Variants in DNAJC7 observed in about 807,000 individuals in gnomAD.
DNAJC7 encodes dnaJ homolog subfamily C member 7.
In DNAJC7, 18 loss-of-function variants were observed where a neutral mutation model predicts 67.4. The ratio of observed to expected loss-of-function variants is 0.27; its 90% CI spans 0.18 to 0.40. DNAJC7 has a LOEUF of 0.40. DNAJC7 is among the 10% of genes least tolerant of loss of function. DNAJC7 has a pLI of 1.00. For missense variants in DNAJC7, 419 were observed against 613.8 expected (o/e 0.68, Z 3.35); for synonymous variants, 220 against 207.8 (o/e 1.06, Z -0.50).
chr17:42,004,974 G>A (rs139769900), intron 1 of DNAJC7, among the ~76,000 whole-genome samples: 13 of 152,314 alleles, frequency 8.5e-5, no homozygotes, highest in African/African-American at 2.9e-4. Flanking sequence ...GTAACGAGCT[G>A]TGATTGTACC....
At chr17:42,001,347 C>T (rs1222337954) in intron 1 of DNAJC7, among the ~76,000 whole-genome samples, 1 of 152,154 alleles carries the variant, frequency 6.6e-6, no homozygotes, top group Non-Finnish European at 1.5e-5. Flanking sequence ...TTCCCTACCT[C>T]TAAGATCTAT....
intron 8 of DNAJC7, among the ~76,000 whole-genome samples, chr17:41,988,300 T>G (rs2051432328): frequency 1.3e-5 from 2 of 152,190 alleles, no homozygotes; most frequent in Admixed American, 1.3e-4. Context: ...TGATGTTGGG[T>G]AGGGCCACAA....
chr17:42,003,299 C>T (rs951527183), intron 1 of DNAJC7: 1 of 152,094 alleles, frequency 6.6e-6, no homozygotes, highest in Non-Finnish European at 1.5e-5. Flanking sequence ...GACTGGAGTC[C>T]CTCCTTCATT....
intron 1 of DNAJC7, chr17:42,015,449 T>C (rs2052241301): frequency 6.6e-6 from 1 of 152,214 alleles, no homozygotes; most frequent in Non-Finnish European, 1.5e-5. Flanking sequence ...AAGGCTGTGA[T>C]TGAAGAAATG....
Position 42,017,425 on chromosome 17 carries a change from CG to C in DNAJC7, c.-10del. 6.2e-7 allele frequency: 1 copy of C among 1,605,888 alleles called. No individual in the cohort carries two copies. Among genetic ancestry groups the C allele is most frequent in the Non-Finnish European group, 8.5e-7 (1 of 1,179,830 alleles). ...TCCGCGGCAGCCGCCATCTTACCGC[CG>C]GGACCAGAGAGCTGGGTGGGAGGCC... is the stretch of plus-strand genomic sequence containing the variant. On this transcript the variant is annotated 5_prime_UTR_variant, in exon 1 of 14. Coordinates refer to ENST00000457167, the MANE Select transcript of DNAJC7 (RefSeq NM_003315.4).
At chr17:41,978,566 T>A (rs114271759) in intron 12 of DNAJC7, among the ~76,000 whole-genome samples, 1 of 152,230 alleles carries the variant, frequency 6.6e-6, no homozygotes, top group East Asian at 1.9e-4. Flanking sequence ...GTGCCCCTAC[T>A]TAAAACTTCA....
intron 12 of DNAJC7, chr17:41,977,614 TGC>T (rs2051126448): frequency 3.4e-6 from 1 of 292,544 alleles, no homozygotes; most frequent in African/African-American, 2.2e-5. Flanking sequence ...ACAAATGGAA[TGC>T]CATTTGCACT....
chr17:42,017,439 T>G lies in DNAJC7; in HGVS notation c.-23A>C. 1 of 1,604,056 alleles carries G rather than the reference T, an allele frequency of 6.2e-7. No individual in the cohort carries two copies. Among genetic ancestry groups the G allele is most frequent in the Non-Finnish European group, 8.5e-7 (1 of 1,179,792 alleles). ...CATCTTACCGCCGGGACCAGAGAGC[T>G]GGGTGGGAGGCCGGCGGTGAAGAGC... On this transcript the variant is annotated 5_prime_UTR_variant, in exon 1 of 14. Coordinates refer to ENST00000457167, the MANE Select transcript of DNAJC7 (RefSeq NM_003315.4).
At chr17:42,016,794 TTC>T (rs1491225038) in intron 1 of DNAJC7, 13 of 266,244 alleles carry the variant, frequency 4.9e-5, no homozygotes, top group Middle Eastern at 3.4e-3. Context: ...CTTCCTTTTT[TTC>T]TCTGTCATCT....
intron 4 of DNAJC7, 43 bp from the exon 5 acceptor site, chr17:41,994,987 T>C: frequency 6.4e-7 from 1 of 1,554,804 alleles, no homozygotes; most frequent in Non-Finnish European, 8.9e-7. Context: ...AATGAAGCTG[T>C]AGATTAAACA....
chr17:42,013,434 CT>C (rs2052172755), intron 1 of DNAJC7: 1 of 152,194 alleles, frequency 6.6e-6, no homozygotes, highest in Non-Finnish European at 1.5e-5. Flanking sequence ...ACTGTGACAA[CT>C]TAGCAGCAGC....
At chr17:42,015,744 C>G (rs2052256044) in intron 1 of DNAJC7, 1 of 151,592 alleles carries the variant, frequency 6.6e-6, no homozygotes, top group South Asian at 2.1e-4. Flanking sequence ...GTCCCAGCAA[C>G]TGGTGAGGCT....
At chr17:41,980,230 C>T in intron 12 of DNAJC7, among the ~76,000 whole-genome samples, 1 of 150,984 alleles carries the variant, frequency 6.6e-6, no homozygotes, top group Middle Eastern at 3.2e-3. Context: ...TTGTATTTTT[C>T]ATAGAGACGG....
In DNAJC7 at chr17:42,017,323, C is replaced by G; in HGVS notation, c.77+17G>C. The G allele has an allele frequency of 6.2e-7, 1 of 1,611,408 alleles. No individual in the cohort carries two copies. The highest frequency in any genetic ancestry group is 1.3e-5 in the African/African-American group (1 of 75,076). On this transcript the variant is annotated intron_variant, in intron 1 of 13. Transcript: ENST00000457167. ...GAGCTGCAGGTCGCCTCCTCTACTA[C>G]CCTGCTACCCGGTTACCTCTTCGCC...
intron 1 of DNAJC7, 58 bp downstream of exon 1, chr17:42,017,282 G>A (rs1173007233): frequency 3.7e-6 from 6 of 1,607,364 alleles, no homozygotes; most frequent in Non-Finnish European, 3.4e-6. Context: ...GCAGGAACGA[G>A]TTTCCCTGAG....
chr17:41,991,367 C>T (rs1555647750), intron 5 of DNAJC7, among the ~76,000 whole-genome samples: 1 of 152,098 alleles, frequency 6.6e-6, no homozygotes, highest in East Asian at 1.9e-4. Context: ...TTAACATGGA[C>T]ATTCATATAA....
chr17:42,010,174 AAGAG>A (rs1289345549), intron 1 of DNAJC7, among the ~76,000 whole-genome samples: 1 of 147,522 alleles, frequency 6.8e-6, no homozygotes, highest in Non-Finnish European at 1.5e-5. Flanking sequence ...GACAGACAGA[AAGAG>A]AGAAAGAAAG....
intron 4 of DNAJC7, among the ~76,000 whole-genome samples, chr17:41,995,340 A>T (rs146719049): frequency 6.6e-6 from 1 of 152,218 alleles, no homozygotes; most frequent in Admixed American, 6.5e-5. Flanking sequence ...CAGGAACACA[A>T]GTGTTATGCT....
chr17:42,011,309 A>T (rs1416702137), intron 1 of DNAJC7: 1 of 152,248 alleles, frequency 6.6e-6, no homozygotes, highest in African/African-American at 2.4e-5. Flanking sequence ...TGGAATGTAC[A>T]ATAAGGCTGG....
Sources: allele counts gnomAD v4.1 joint callset (sites outside exome capture counted in the v4.1 genomes callset), GRCh38; gene constraint gnomAD v4.1.1; transcripts MANE v1.5; gene names NCBI Gene and HGNC (gene_info 2026-07-23, HGNC 2026-07-21).